The following RXRA variants were observed in gnomAD, a reference collection of about 807,000 sequenced individuals.
RXRA encodes the protein retinoid X receptor alpha.
Under a neutral mutation model 44.5 loss-of-function variants are expected in RXRA, and 5 were observed. That is an observed-to-expected ratio of 0.11 (90% CI 0.06 to 0.24). The LOEUF (loss-of-function observed/expected upper bound fraction) is 0.24. Ranked by LOEUF, RXRA falls within the 10% of genes least tolerant of loss-of-function variation. The pLI is 1.00. For missense variants in RXRA, 412 were observed against 646.5 expected (o/e 0.64, Z 3.93); for synonymous variants, 291 against 271.4 (o/e 1.07, Z -0.71).
intron 1 of RXRA, among the ~76,000 whole-genome samples, chr9:134,388,559 C>A (rs1368303532): frequency 4.6e-5 from 7 of 152,202 alleles, no homozygotes; most frequent in Non-Finnish European, 1.0e-4. Context: ...ACTGCTTGTC[C>A]TCTGGGGAGT....
chr9:134,405,201 C>G (rs1408585137), intron 2 of RXRA: 1 of 152,298 alleles, frequency 6.6e-6, no homozygotes, highest in Non-Finnish European at 1.5e-5. Flanking sequence ...GCTGGAAGGG[C>G]GGAAGAACGC....
In RXRA at chr9:134,326,662, G is replaced by A. The variant is rs1787673409; in HGVS notation, c.28+3G>A. On this transcript the variant is annotated splice_donor_region_variant and intron_variant, in intron 1 of 9. Transcript: ENST00000481739. The stretch of plus-strand genomic sequence containing the variant: ...CACCAAACATTTCCTGCCGCTCGGT[G>A]AGTGCTCGCCGGGCCGGGCGGGGAC... 2.1e-6 allele frequency: 2 copies of A among 955,844 alleles called. No homozygotes were observed. Among genetic ancestry groups the A allele is most frequent in the Admixed American group, 6.5e-5 (1 of 15,496 alleles). The allele number at this position is 955,844 out of a possible 1,614,324, so 59.2% of individuals were successfully genotyped here.
At chr9:134,382,967 C>T (rs75664280) in intron 1 of RXRA, among the ~76,000 whole-genome samples, 4,183 of 152,300 alleles carry the variant, frequency 0.027, 75 homozygotes, top group East Asian at 0.061. Flanking sequence ...TAGCGAGACC[C>T]TGGCTGAAGG....
At chr9:134,424,366 G>A (rs920719969) in intron 6 of RXRA, 58 of 985,254 alleles carry the variant, frequency 5.9e-5, no homozygotes, top group Non-Finnish European at 6.9e-5. Flanking sequence ...AGATCTCTGC[G>A]GCTGCATGTC....
At chr9:134,411,286 A>G (rs1047586763) in intron 4 of RXRA, among the ~76,000 whole-genome samples, 23 of 151,778 alleles carry the variant, frequency 1.5e-4, no homozygotes, top group Non-Finnish European at 2.7e-4. Flanking sequence ...TGGGGACGAC[A>G]CCCCATCCCA....
chr9:134,417,665 G>A lies in RXRA; in HGVS notation c.780+338G>A, dbSNP rs1210132430. Among the ~76,000 whole-genome samples, 1 of 152,080 alleles carries A rather than the reference G, an allele frequency of 6.6e-6. No individual in the cohort carries two copies. The highest frequency in any genetic ancestry group is 1.5e-5 in the Non-Finnish European group (1 of 67,996). On this transcript the variant is annotated intron_variant, in intron 5 of 9. Coordinates refer to ENST00000481739, the MANE Select transcript of RXRA (RefSeq NM_002957.6). This position sits in a 1 kb window ranked among gnomAD's most constrained non-coding sequence, Gnocchi z 6.1. ...GTCCCCTCGGAGTTTGGCCTGTCTC[G>A]GTGCAGAGGCTGTCCCTGCTCCCCG...
At chr9:134,391,225 C>T (rs560660770) in intron 1 of RXRA, among the ~76,000 whole-genome samples, 126 of 152,262 alleles carry the variant, frequency 8.3e-4, no homozygotes, top group Non-Finnish European at 1.1e-3. Context: ...ATCGTGTTGG[C>T]CTCTGGCATG....
At chr9:134,362,693 C>T (rs62576328) in intron 1 of RXRA, among the ~76,000 whole-genome samples, 4 of 152,200 alleles carry the variant, frequency 2.6e-5, no homozygotes, top group African/African-American at 9.7e-5. Context: ...CACACACTGC[C>T]GTCTTAGCTG....
At chr9:134,352,055 GGGGA>G (rs1286666163) in intron 1 of RXRA, among the ~76,000 whole-genome samples, 1 of 152,224 alleles carries the variant, frequency 6.6e-6, no homozygotes, top group Non-Finnish European at 1.5e-5. Flanking sequence ...GGGGCAGCCC[GGGGA>G]GGGAGCGAGG....
At chr9:134,422,021 C>A (rs1831343118) in intron 6 of RXRA, 1 of 1,447,778 alleles carries the variant, frequency 6.9e-7, no homozygotes. Flanking sequence ...AACACACTCC[C>A]CCCTCCCTGG....
chr9:134,377,916 C>A (rs66534008), intron 1 of RXRA, among the ~76,000 whole-genome samples: 113,853 of 152,116 alleles, frequency 0.75, 43,486 homozygotes, highest in Non-Finnish European at 0.83. Flanking sequence ...CTGCTCTGCC[C>A]CCCTTGGAGG....
rs188054097 is a variant in RXRA, at chr9:134,436,971, C to T, written c.*357C>T. The T allele has an allele frequency of 6.4e-5, 16 of 248,810 alleles. No homozygotes were observed. The highest frequency in any genetic ancestry group is 6.7e-5 in the African/African-American group (3 of 44,958). The allele number at this position is 248,810 out of a possible 1,614,324, so 15.4% of individuals were successfully genotyped here. A position where few individuals can be genotyped will look rare whatever the true frequency, so the allele number is the denominator to read the frequency against. ...GCCCTGGAGCTGCAGGAGTTGGGAA[C>T]GGGGCTTTTGTTTCCGTTGCTGTTT... is the stretch of plus-strand genomic sequence containing the variant. On this transcript the variant is annotated 3_prime_UTR_variant, in exon 10 of 10. Transcript: ENST00000481739.
intron 1 of RXRA, among the ~76,000 whole-genome samples, chr9:134,355,092 A>G (rs565598372): frequency 3.3e-5 from 5 of 152,308 alleles, no homozygotes; most frequent in South Asian, 2.1e-4. Flanking sequence ...CTCAGCTCCA[A>G]TTCTGCCCAC....
intron 1 of RXRA, among the ~76,000 whole-genome samples, chr9:134,332,980 G>A (rs552923652): frequency 1.1e-4 from 16 of 152,286 alleles, no homozygotes; most frequent in African/African-American, 3.1e-4. Flanking sequence ...TCCCGGGCAC[G>A]GGTATGGGTG....
intron 1 of RXRA, among the ~76,000 whole-genome samples, chr9:134,350,011 T>C (rs1830201427): frequency 6.6e-6 from 1 of 151,612 alleles, no homozygotes; most frequent in African/African-American, 2.4e-5. Context: ...TCATGCCTCT[T>C]TCCAGAGCAC....
chr9:134,379,782 C>A (rs1830614145), intron 1 of RXRA: 1 of 985,242 alleles, frequency 1.0e-6, no homozygotes, highest in Non-Finnish European at 1.2e-6. Flanking sequence ...CTGGGCCCAG[C>A]TGCCCCTAAG....
At chr9:134,385,793 A>C (rs959036181) in intron 1 of RXRA, among the ~76,000 whole-genome samples, 1 of 152,236 alleles carries the variant, frequency 6.6e-6, no homozygotes, top group African/African-American at 2.4e-5. Flanking sequence ...CCCAGCACGC[A>C]GATGGGGAAT....
At position 134,343,271 on chromosome 9, in the gene RXRA, G is replaced by C. The variant is rs570605138; in HGVS notation, c.28+16612G>C. Reference sequence around the variant, plus strand: ...ACTTGCTGCCCAGGTGGTTGTGAGGGTTGACTGAAGTAAGGCCTGTCCTTC... The same window carrying C: ...ACTTGCTGCCCAGGTGGTTGTGAGGCTTGACTGAAGTAAGGCCTGTCCTTC... On this transcript the variant is annotated intron_variant, in intron 1 of 9. Coordinates refer to ENST00000481739, the MANE Select transcript of RXRA (RefSeq NM_002957.6). The surrounding 1 kb of genome is among the most constrained non-coding windows in gnomAD (Gnocchi z 4.1). Among the ~76,000 whole-genome samples the C allele has an allele frequency of 4.6e-4, 70 of 152,208 alleles. No homozygotes were observed. The highest frequency in any genetic ancestry group is 7.5e-4 in the Non-Finnish European group (51 of 68,042).
intron 6 of RXRA, chr9:134,422,021 C>T (rs1831343118): frequency 6.9e-7 from 1 of 1,447,658 alleles, no homozygotes; most frequent in Admixed American, 2.2e-5. Flanking sequence ...AACACACTCC[C>T]CCCTCCCTGG....
Sources: gnomAD v4.1 joint callset for allele counts (sites outside exome capture counted in the v4.1 genomes callset) on GRCh38, gnomAD v4.1.1 for gene constraint, Gnocchi (gnomAD v3.1) non-coding constraint, MANE v1.5 for transcripts, NCBI Gene and HGNC (gene_info 2026-07-23, HGNC 2026-07-21) for gene names.